The following NPNT variants were observed in gnomAD, a reference collection of about 807,000 sequenced individuals.
The protein encoded by NPNT is nephronectin.
Under a neutral mutation model 68.6 loss-of-function variants are expected in NPNT, and 45 were observed. That is an observed-to-expected ratio of 0.66 (90% CI 0.52 to 0.84). The LOEUF (loss-of-function observed/expected upper bound fraction) is 0.84, where lower values mean the gene tolerates loss of function less well. Ranked by LOEUF, NPNT falls within the 40% of genes least tolerant of loss-of-function variation. The pLI is 0.00. For missense variants in NPNT, 672 were observed against 714.8 expected, an observed-to-expected ratio of 0.94 and a Z score of 0.68; for synonymous variants, 233 against 253.3, an observed-to-expected ratio of 0.92 and a Z score of 0.76.
At chr4:105,958,873 G>C in intron 9 of NPNT, 155 bp from the exon 10 acceptor site, 1 of 606,026 alleles carries the variant, frequency 1.7e-6, no homozygotes, top group South Asian at 2.1e-5. Context: ...GCTGAGAAAA[G>C]ATTAATGTAA....
chr4:105,911,324 A>T (rs1459019809), intron 2 of NPNT, among the ~76,000 whole-genome samples: 1 of 152,026 alleles, frequency 6.6e-6, no homozygotes, highest in Admixed American at 6.6e-5. Context: ...TGGACTTAGA[A>T]TTTTTTTCTT....
At chr4:105,937,899 G>A (rs938751207) in intron 4 of NPNT, among the ~76,000 whole-genome samples, 5 of 152,120 alleles carry the variant, frequency 3.3e-5, no homozygotes, top group African/African-American at 1.2e-4. Context: ...AGTATAGCAT[G>A]GAACTTTTTG....
chr4:105,920,242 A>G (rs1329082824), intron 2 of NPNT, among the ~76,000 whole-genome samples: 1 of 151,658 alleles, frequency 6.6e-6, no homozygotes, highest in Non-Finnish European at 1.5e-5. Flanking sequence ...TGAGTGCTTA[A>G]TTGCTTTTTG....
intron 2 of NPNT, among the ~76,000 whole-genome samples, chr4:105,925,604 CA>C (rs1728621389): frequency 6.6e-6 from 1 of 152,166 alleles, no homozygotes; most frequent in Admixed American, 6.5e-5. Context: ...TGGAGAACAG[CA>C]TGGGTTAAAA....
intron 3 of NPNT, among the ~76,000 whole-genome samples, chr4:105,930,387 A>G (rs543360459): frequency 8.1e-4 from 123 of 152,308 alleles, no homozygotes; most frequent in African/African-American, 2.9e-3. Context: ...CTCTGCATCC[A>G]TAGACTTGAG....
In NPNT at chr4:105,945,768, T is replaced by G. The variant is rs550270495; in HGVS notation, c.1159+3066T>G. On this transcript the variant is annotated intron_variant, in intron 8 of 11. Coordinates refer to ENST00000379987, the MANE Select transcript of NPNT (RefSeq NM_001033047.3). ...TCAGTAAGGTACACATACTATATAG[T>G]ACACACTGAAGTAGTGAAACATACT... is the stretch of plus-strand genomic sequence containing the variant. Among the ~76,000 whole-genome samples the G allele has an allele frequency of 7.2e-5, 11 of 152,320 alleles. No homozygotes were observed. The South Asian group carries it at 1.4e-3, about 20-fold the overall frequency.
At chr4:105,904,094 T>C (rs1726667634) in intron 2 of NPNT, among the ~76,000 whole-genome samples, 1 of 152,152 alleles carries the variant, frequency 6.6e-6, no homozygotes. Flanking sequence ...GCCTCCTTAC[T>C]TTTTTATGCA....
intron 2 of NPNT, 69 bp downstream of exon 2, chr4:105,898,070 C>T: frequency 9.5e-7 from 1 of 1,047,898 alleles, no homozygotes; most frequent in Non-Finnish European, 1.4e-6. Context: ...ATGGCTTCAC[C>T]CCACATATCA....
chr4:105,908,191 A>C (rs1727073212), intron 2 of NPNT, among the ~76,000 whole-genome samples: 1 of 151,916 alleles, frequency 6.6e-6, no homozygotes, highest in African/African-American at 2.4e-5. Flanking sequence ...TTTCTGCCAT[A>C]CATTAGCTTT....
chr4:105,926,829 C>A (rs1239875300), intron 2 of NPNT, among the ~76,000 whole-genome samples: 1 of 152,050 alleles, frequency 6.6e-6, no homozygotes, highest in Non-Finnish European at 1.5e-5. Context: ...AGTTCCAAAA[C>A]AATGTTGTTT....
intron 8 of NPNT, among the ~76,000 whole-genome samples, chr4:105,951,653 G>C (rs559532913): frequency 1.3e-5 from 2 of 152,176 alleles, no homozygotes; most frequent in Non-Finnish European, 2.9e-5. Flanking sequence ...CTAGTGTTTT[G>C]AAGGAGCGAA....
chr4:105,911,946 G>T (rs190737440), intron 2 of NPNT: 9 of 464,102 alleles, frequency 1.9e-5, no homozygotes, highest in Non-Finnish European at 3.4e-5. Flanking sequence ...TTGGACTATA[G>T]AAGAATAGCA....
intron 2 of NPNT, among the ~76,000 whole-genome samples, chr4:105,914,324 T>C (rs1727610965): frequency 7.1e-6 from 1 of 139,986 alleles, no homozygotes; most frequent in Admixed American, 7.4e-5. Context: ...TCCTGGATCA[T>C]GCAGGTAATA....
chr4:105,967,112 TA>T, intron 10 of NPNT, 75 bp from the exon 11 acceptor site: 1 of 1,259,422 alleles, frequency 7.9e-7, no homozygotes, highest in Non-Finnish European at 1.1e-6. Flanking sequence ...AAAAAAAAAC[TA>T]AAACTCCTGT....
Position 105,897,881 on chromosome 4 carries a change from T to C in NPNT, c.72-20T>C. The C allele has an allele frequency of 6.3e-7, 1 of 1,579,358 alleles. No homozygotes were observed. The highest frequency in any genetic ancestry group is 8.7e-7 in the Non-Finnish European group (1 of 1,148,240). ...TTCTCAAAAGTGTCCTTATTTATTT[T>C]GAATCTTTTTTTTTGGTAGGTGGCC... On this transcript the variant is annotated intron_variant, in intron 1 of 11. Transcript: ENST00000379987.
chr4:105,948,153 T>A (rs2149385756), intron 8 of NPNT, among the ~76,000 whole-genome samples: 1 of 152,298 alleles, frequency 6.6e-6, no homozygotes, highest in African/African-American at 2.4e-5. Context: ...AATATAGCCA[T>A]TGAAAATATT....
chr4:105,956,025 G>A (rs1181482221), intron 8 of NPNT, among the ~76,000 whole-genome samples: 4 of 152,020 alleles, frequency 2.6e-5, no homozygotes, highest in African/African-American at 9.7e-5. Context: ...ATGATCATCT[G>A]CTGCTAAATT....
At chr4:105,895,990 G>A in intron 1 of NPNT, 2 of 489,708 alleles carry the variant, frequency 4.1e-6, no homozygotes, top group Non-Finnish European at 7.2e-6. Flanking sequence ...TAGGACTGAG[G>A]GAGAGGAGCC....
In NPNT at chr4:105,938,417, G is replaced by A; in HGVS notation, c.502G>A (p.Val168Ile). The A allele has an allele frequency of 6.2e-7, 1 of 1,612,872 alleles. No homozygotes were observed. ...LQLAPDGRTC[V>I]DVDECATGRA... Reference sequence around the variant, plus strand: ...GCTGGCTCCTGATGGGAGGACCTGTGTAGGTGAGTTGTAAAATCAAGCATC... The same window carrying A: ...GCTGGCTCCTGATGGGAGGACCTGTATAGGTGAGTTGTAAAATCAAGCATC... Residue 168 changes from valine (V) to isoleucine (I), a missense_variant, in exon 5 of 12, where the codon GTA (valine) becomes ATA (isoleucine). Coordinates refer to ENST00000379987, the MANE Select transcript of NPNT (RefSeq NM_001033047.3).
Sources: allele counts gnomAD v4.1 joint callset (sites outside exome capture counted in the v4.1 genomes callset), GRCh38; gene constraint gnomAD v4.1.1; transcripts MANE v1.5; gene names NCBI Gene and HGNC (gene_info 2026-07-23, HGNC 2026-07-21).